SVIL: variants seen among roughly 807,000 people sequenced by gnomAD.
The protein encoded by SVIL is supervillin.
In SVIL, 101 loss-of-function variants were observed where a neutral mutation model predicts 240.4. That is an observed-to-expected ratio of 0.42 (90% CI 0.36 to 0.50). SVIL has a LOEUF of 0.50. Ranked by LOEUF, SVIL falls within the 20% of genes least tolerant of loss-of-function variation. The pLI, the probability that SVIL is intolerant of heterozygous loss-of-function variation, is 0.01. For synonymous variants in SVIL, 999 were observed against 1,100.0 expected (o/e 0.91, Z 1.82); for missense variants, 2,512 against 2,818.7 (o/e 0.89, Z 2.46).
chr10:29,736,387 G>A (rs1964902577), upstream of SVIL, among the ~76,000 whole-genome samples: 1 of 152,252 alleles, frequency 6.6e-6, no homozygotes, highest in African/African-American at 2.4e-5. Context: ...CCAGGGCTGG[G>A]AAGATGCTTG....
At chr10:29,584,802 C>G (rs1004035786) in intron 1 of SVIL, among the ~76,000 whole-genome samples, 2 of 152,224 alleles carry the variant, frequency 1.3e-5, no homozygotes, top group Non-Finnish European at 2.9e-5. Context: ...AGCATCAGAG[C>G]CATCCCTGTA....
At chr10:29,696,126 G>GT (rs996542333) in intron 1 of SVIL, among the ~76,000 whole-genome samples, 11 of 151,878 alleles carry the variant, frequency 7.2e-5, no homozygotes, top group East Asian at 4.0e-4. Context: ...TGGTTTTCGT[G>GT]TTTTTTTGGT....
chr10:29,520,592 T>C (rs901089483), intron 16 of SVIL, among the ~76,000 whole-genome samples: 2 of 152,230 alleles, frequency 1.3e-5, no homozygotes, highest in African/African-American at 2.4e-5. Flanking sequence ...TTACAAATAA[T>C]GTTCAAGAAG....
Position 29,532,612 on chromosome 10 carries a change from G to C in SVIL, c.1755C>G (p.Ile585Met), listed in dbSNP as rs756686383. 1 of 1,614,118 alleles carries C rather than the reference G, an allele frequency of 6.2e-7. No individual in the cohort carries two copies. The highest frequency in any genetic ancestry group is 1.1e-5 in the South Asian group (1 of 91,084). Residue 585 changes from isoleucine to methionine, a missense_variant, in exon 8 of 38, where the codon ATC (isoleucine) becomes ATG (methionine). By Grantham distance (10) the Ile-to-Met change is conservative. This residue lies in a region of SVIL where 1,443 missense variants were observed against 1,486.6 expected (regional missense o/e 0.97). Transcript: ENST00000355867. Reference sequence around the variant, plus strand: ...CAGAGACTTTTGTGTCCAGCATGCTGATCTCCCCATAAGGCCCTTCGGTCT... The same window carrying C: ...CAGAGACTTTTGTGTCCAGCATGCTCATCTCCCCATAAGGCCCTTCGGTCT... ...SSKTEGPYGE[I>M]SMLDTKVSVA...
intron 2 of SVIL, among the ~76,000 whole-genome samples, chr10:29,682,274 A>T (rs1960717306): frequency 6.6e-6 from 1 of 152,158 alleles, no homozygotes; most frequent in Non-Finnish European, 1.5e-5. Flanking sequence ...CTCAGCCCAC[A>T]GTCCCATAGC....
intron 26 of SVIL, among the ~76,000 whole-genome samples, chr10:29,485,237 T>C (rs1947284078): frequency 6.6e-6 from 1 of 151,480 alleles, no homozygotes; most frequent in Non-Finnish European, 1.5e-5. Context: ...CAGGCACTCA[T>C]GGTCCAGTGG....
chr10:29,468,325 T>A (rs1170367924), intron 32 of SVIL, among the ~76,000 whole-genome samples: 2 of 152,234 alleles, frequency 1.3e-5, no homozygotes, highest in Non-Finnish European at 2.9e-5. Flanking sequence ...GGCAGAATAA[T>A]ATTCCACTAA....
At chr10:29,665,503 A>C (rs1959221722) in intron 2 of SVIL, among the ~76,000 whole-genome samples, 1 of 152,060 alleles carries the variant, frequency 6.6e-6, no homozygotes, top group Non-Finnish European at 1.5e-5. Flanking sequence ...CAGACTTAAA[A>C]ACCTACTGCT....
rs1955655638 is a variant in SVIL, at chr10:29,575,583, G to GCA, written c.-200-6273_-200-6272dup. 2.6e-5 allele frequency among the ~76,000 whole-genome samples: 4 copies of GCA among 152,252 alleles called. No homozygotes were observed. In the South Asian group the frequency reaches 8.3e-4, roughly 32 times the overall value. ...AATTCCTAATTTTCTTGGGTATTTG[G>GCA]CACTAAGACCCTTGCTCTCTTTCTC... On this transcript the variant is annotated intron_variant, in intron 1 of 37. Coordinates refer to ENST00000355867, the MANE Select transcript of SVIL (RefSeq NM_021738.3).
At chr10:29,720,000 C>T (rs893108473) in intron 1 of SVIL, among the ~76,000 whole-genome samples, 4 of 152,104 alleles carry the variant, frequency 2.6e-5, no homozygotes, top group Non-Finnish European at 5.9e-5. Context: ...TATAAACTAA[C>T]GTATATCAAA....
intron 6 of SVIL, among the ~76,000 whole-genome samples, chr10:29,546,066 C>T (rs890708526): frequency 1.3e-5 from 2 of 152,012 alleles, no homozygotes; most frequent in East Asian, 1.9e-4. Flanking sequence ...TATATAGATA[C>T]GTGAGATGCA....
At position 29,459,887 on chromosome 10, in the gene SVIL, T is replaced by G. The variant is rs189760827; in HGVS notation, c.6403-1298A>C. Reference sequence around the variant, plus strand: ...GGGAAGAGTCCTTGAATCCAGGAGTTGGAGACCAGCTTGGGCAATATGATG... The same window carrying G: ...GGGAAGAGTCCTTGAATCCAGGAGTGGGAGACCAGCTTGGGCAATATGATG... On this transcript the variant is annotated intron_variant, in intron 36 of 37. Transcript: ENST00000355867. Among the ~76,000 whole-genome samples, 287 of 152,200 alleles carry G rather than the reference T, an allele frequency of 1.9e-3. 1 individual carries two copies. The highest frequency in any genetic ancestry group is 6.6e-3 in the African/African-American group (276 of 41,518).
chr10:29,573,654 G>A (rs1005788099), intron 1 of SVIL, among the ~76,000 whole-genome samples: 3 of 151,394 alleles, frequency 2.0e-5, no homozygotes, highest in Admixed American at 6.6e-5. Context: ...ATTTCCTCAC[G>A]TCATTCTGTA....
chr10:29,496,281 A>G (rs1948436802), intron 18 of SVIL: 2 of 379,014 alleles, frequency 5.3e-6, no homozygotes, highest in Non-Finnish European at 1.0e-5. Context: ...AAAGTTTTAA[A>G]ATTTGTTTCA....
Position 29,585,896 on chromosome 10 carries a change from C to T in SVIL, c.-200-16584G>A, listed in dbSNP as rs180999424. 1.5e-4 allele frequency among the ~76,000 whole-genome samples: 23 copies of T among 152,372 alleles called. No homozygotes were observed. The East Asian group carries it at 1.5e-3, about 10-fold the overall frequency. ...CTTAGACAAGGGATGTGAGCCAGAG[C>T]GCTCTGAGCGCGGTCACTGCCCCAT... On this transcript the variant is annotated intron_variant, in intron 1 of 37. Coordinates refer to ENST00000355867, the MANE Select transcript of SVIL (RefSeq NM_021738.3).
chr10:29,613,981 G>C (rs1239551903), intron 1 of SVIL, among the ~76,000 whole-genome samples: 6 of 152,138 alleles, frequency 3.9e-5, no homozygotes. Context: ...TTTCCTCGGT[G>C]AATCAGCTGC....
chr10:29,628,378 G>C (rs956758023), intron 1 of SVIL, among the ~76,000 whole-genome samples: 9 of 152,202 alleles, frequency 5.9e-5, no homozygotes, highest in Admixed American at 2.6e-4. Flanking sequence ...ATGTATGAAA[G>C]AGTATTTACT....
chr10:29,607,502 T>C (rs1012074931), intron 1 of SVIL, among the ~76,000 whole-genome samples: 1 of 152,160 alleles, frequency 6.6e-6, no homozygotes, highest in African/African-American at 2.4e-5. Context: ...GAACATGATT[T>C]TTTTTTTCAA....
intron 34 of SVIL, 90 bp downstream of exon 34, chr10:29,465,505 G>T: frequency 6.8e-7 from 1 of 1,476,348 alleles, no homozygotes; most frequent in Non-Finnish European, 9.0e-7. Context: ...GCAAACAGAA[G>T]CTGCTTAATA....
Sources: allele counts gnomAD v4.1 joint callset (sites outside exome capture counted in the v4.1 genomes callset), GRCh38; gene constraint gnomAD v4.1.1; regional missense constraint gnomAD v4.1.1; transcripts MANE v1.5; gene names NCBI Gene and HGNC (gene_info 2026-07-23, HGNC 2026-07-21).